RBFOX1: variants seen among roughly 807,000 people sequenced by gnomAD.
RBFOX1 encodes RNA binding protein fox-1 homolog 1.
Under a neutral mutation model 57.7 loss-of-function variants are expected in RBFOX1, and 8 were observed. The ratio of observed to expected loss-of-function variants is 0.14; its 90% CI spans 0.08 to 0.25. The LOEUF (loss-of-function observed/expected upper bound fraction) is 0.25, where lower values mean the gene tolerates loss of function less well. Among genes scored for constraint, RBFOX1 ranks in the 10% least tolerant of loss-of-function variants. The probability of loss-of-function intolerance (pLI) is 1.00; values close to 1 mark genes in which losing one functional copy is unlikely to be tolerated. For missense variants in RBFOX1, 611 were observed against 548.5 expected (o/e 1.11, Z -1.14); for synonymous variants, 326 against 222.4 (o/e 1.47, Z -4.15).
chr16:6,815,109 A>T (rs904809925), intron 3 of RBFOX1, among the ~76,000 whole-genome samples: 6 of 152,144 alleles, frequency 3.9e-5, no homozygotes, highest in Non-Finnish European at 8.8e-5. Context: ...CCCATTTCCG[A>T]CCATATAGCG....
chr16:5,959,370 A>T (rs1596302782), intron 4 of RBFOX1, among the ~76,000 whole-genome samples: 2 of 152,122 alleles, frequency 1.3e-5, no homozygotes, highest in South Asian at 4.2e-4. Flanking sequence ...TCAGGCCCCA[A>T]AGGTCAACTG....
rs3041543 is a variant in RBFOX1, at chr16:5,854,582, T to TCACACACA, written c.319-12702_319-12695dup. On this transcript the variant is annotated intron_variant, in intron 3 of 19. Coordinates refer to the RBFOX1 transcript ENST00000641259. ...ACCCCCCCCACACACAAGCACACAT[T>TCACACACA]CACACACACACACACACACACACAC... 2.0e-4 allele frequency among the ~76,000 whole-genome samples: 29 copies of TCACACACA among 148,668 alleles called. 1 individual carries two copies. The highest frequency in any genetic ancestry group is 4.0e-4 in the African/African-American group (16 of 40,434).
At chr16:6,806,152 G>C (rs2086712329) in intron 3 of RBFOX1, among the ~76,000 whole-genome samples, 1 of 152,166 alleles carries the variant, frequency 6.6e-6, no homozygotes, top group Admixed American at 6.6e-5. Flanking sequence ...AGTTAGAATA[G>C]AAATGAGTAT....
chr16:6,705,131 C>T (rs922298993), intron 3 of RBFOX1: 1 of 152,174 alleles, frequency 6.6e-6, no homozygotes, highest in Admixed American at 6.5e-5. Context: ...GCAGTGCCTT[C>T]ATGGCAAATG....
intron 3 of RBFOX1, among the ~76,000 whole-genome samples, chr16:7,025,515 G>A (rs1744305556): frequency 6.6e-6 from 1 of 152,182 alleles, no homozygotes; most frequent in Admixed American, 6.5e-5. Flanking sequence ...ATGGAAGATG[G>A]AGTTGCTCTG....
At chr16:5,942,240 G>C (rs987045163) in intron 4 of RBFOX1, among the ~76,000 whole-genome samples, 4 of 152,146 alleles carry the variant, frequency 2.6e-5, no homozygotes, top group South Asian at 4.1e-4. Context: ...TAGTTTGCAG[G>C]CTAGGGTTTT....
At chr16:7,478,384 AGATTTTTTAAG>A (rs1405138084) in intron 4 of RBFOX1, among the ~76,000 whole-genome samples, 1 of 152,218 alleles carries the variant, frequency 6.6e-6, no homozygotes, top group Non-Finnish European at 1.5e-5. Flanking sequence ...CTAAAGGGAA[AGATTTTTTAAG>A]GGAGTGAGGA....
intron 3 of RBFOX1, among the ~76,000 whole-genome samples, chr16:5,746,701 A>C (rs924498487): frequency 9.2e-5 from 14 of 152,188 alleles, no homozygotes; most frequent in African/African-American, 3.4e-4. Flanking sequence ...CTTTGAAGCA[A>C]TTGTGAATGG....
intron 3 of RBFOX1, among the ~76,000 whole-genome samples, chr16:6,654,976 G>T (rs925469405): frequency 7.5e-6 from 1 of 133,704 alleles, no homozygotes; most frequent in Admixed American, 8.3e-5. Context: ...GACGTTCATT[G>T]TGTGTATCAT....
intron 1 of RBFOX1, among the ~76,000 whole-genome samples, chr16:5,299,107 C>T (rs553323036): frequency 2.6e-5 from 4 of 151,092 alleles, no homozygotes; most frequent in Non-Finnish European, 5.9e-5. Context: ...CCAGGGGCAA[C>T]CACTGTTCTA....
At chr16:7,137,625 C>T (rs941502091) in intron 4 of RBFOX1, among the ~76,000 whole-genome samples, 25 of 152,110 alleles carry the variant, frequency 1.6e-4, no homozygotes, top group African/African-American at 4.6e-4. Context: ...AGCCTGAAAA[C>T]GGACTAATAC....
chr16:6,525,118 G>T (rs1010738452), intron 2 of RBFOX1, among the ~76,000 whole-genome samples: 3 of 152,150 alleles, frequency 2.0e-5, no homozygotes, highest in Admixed American at 6.6e-5. Context: ...GTAAAACAGA[G>T]ATATTTGGTC....
rs1470434787 is a variant in RBFOX1 at position 6,097,768 on chromosome 16, T to G, written c.-127+77776T>G. 1.3e-5 allele frequency among the ~76,000 whole-genome samples: 2 copies of G among 152,072 alleles called. No individual in the cohort carries two copies. Among genetic ancestry groups the G allele is most frequent in the African/African-American group, 4.8e-5 (2 of 41,410 alleles). ...TTTGGTCTGTGTTCTCTTCTTTTTT[T>G]TTTTTTCTTACCACCCTCCAAAATT... On this transcript the variant is annotated intron_variant, in intron 1 of 15. Coordinates refer to ENST00000550418, the MANE Select transcript of RBFOX1 (RefSeq NM_018723.4). The surrounding 1 kb of genome is among the most constrained non-coding windows in gnomAD (Gnocchi z 5.0).
intron 2 of RBFOX1, among the ~76,000 whole-genome samples, chr16:5,470,313 C>G (rs2069091562): frequency 6.6e-6 from 1 of 152,208 alleles, no homozygotes. Context: ...AGGCTCTTCT[C>G]ACCTAGAGGG....
chr16:6,265,574 T>A (rs1014616229), intron 1 of RBFOX1, among the ~76,000 whole-genome samples: 1 of 152,146 alleles, frequency 6.6e-6, no homozygotes, highest in Non-Finnish European at 1.5e-5. Context: ...TTTGACATTT[T>A]GCATAGCTTA....
intron 5 of RBFOX1, among the ~76,000 whole-genome samples, chr16:7,539,941 A>T (rs1414114425): frequency 6.6e-6 from 1 of 152,222 alleles, no homozygotes; most frequent in Non-Finnish European, 1.5e-5. Context: ...CCTGGGTTCA[A>T]ATCCCAACGT....
intron 3 of RBFOX1, among the ~76,000 whole-genome samples, chr16:6,732,717 C>A (rs144298168): frequency 2.6e-5 from 4 of 152,306 alleles, no homozygotes; most frequent in African/African-American, 7.2e-5. Flanking sequence ...GCACATAAGC[C>A]TGATTTATGC....
intron 3 of RBFOX1, among the ~76,000 whole-genome samples, chr16:5,637,719 T>C (rs989002086): frequency 6.6e-6 from 1 of 152,004 alleles, no homozygotes; most frequent in Non-Finnish European, 1.5e-5. Context: ...TCCCTAAGGG[T>C]GGAACAGGAG....
chr16:7,282,546 C>G (rs2095566460), intron 4 of RBFOX1, among the ~76,000 whole-genome samples: 1 of 150,802 alleles, frequency 6.6e-6, no homozygotes, highest in African/African-American at 2.5e-5. Context: ...TCTCTGTTCT[C>G]TGGTTGATTA....
Sources: gnomAD v4.1 joint callset for allele counts (sites outside exome capture counted in the v4.1 genomes callset) on GRCh38, gnomAD v4.1.1 for gene constraint, Gnocchi (gnomAD v3.1) non-coding constraint, MANE v1.5 for transcripts, NCBI Gene and HGNC (gene_info 2026-07-23, HGNC 2026-07-21) for gene names.